Variants in USH2A observed in about 807,000 individuals in gnomAD.
USH2A encodes usherin, also known as Usher syndrome 2A (autosomal recessive, mild).
USH2A carries 443 observed loss-of-function variants against 538.9 expected under a neutral mutation model. The observed-to-expected ratio is 0.82, with a 90% CI of 0.76 to 0.89. The LOEUF is 0.89. USH2A is among the 40% of genes least tolerant of loss of function. The probability of loss-of-function intolerance (pLI) is 0.00; values close to 1 mark genes in which losing one functional copy is unlikely to be tolerated. For missense variants in USH2A, 6,633 were observed against 6,324.8 expected (o/e 1.05, Z -1.65); for synonymous variants, 2,413 against 2,273.5 (o/e 1.06, Z -1.75).
At chr1:216,407,449 A>G (rs2039413633) in intron 3 of USH2A, among the ~76,000 whole-genome samples, 1 of 152,160 alleles carries the variant, frequency 6.6e-6, no homozygotes, top group South Asian at 2.1e-4. Flanking sequence ...TTATGTGGAT[A>G]TTTAAACTTG....
intron 15 of USH2A, among the ~76,000 whole-genome samples, chr1:216,214,759 G>C (rs997120504): frequency 6.6e-6 from 1 of 151,920 alleles, no homozygotes; most frequent in Non-Finnish European, 1.5e-5. Context: ...GGCAAGGAGA[G>C]ATAAAGAAAA....
At chr1:216,398,137 A>C (rs2039246514) in intron 3 of USH2A, among the ~76,000 whole-genome samples, 1 of 152,228 alleles carries the variant, frequency 6.6e-6, no homozygotes, top group Non-Finnish European at 1.5e-5. Context: ...AGCTATTTTA[A>C]AATGGTAGAC....
intron 11 of USH2A, among the ~76,000 whole-genome samples, chr1:216,256,890 T>A (rs2036268991): frequency 2.0e-5 from 3 of 151,976 alleles, no homozygotes; most frequent in Admixed American, 2.0e-4. Flanking sequence ...AAACTTGAAT[T>A]TTTGACTGTG....
chr1:216,315,811 T>C (rs913269681), intron 9 of USH2A, among the ~76,000 whole-genome samples: 2 of 152,172 alleles, frequency 1.3e-5, no homozygotes, highest in African/African-American at 4.8e-5. Flanking sequence ...ATAAATAACA[T>C]GTTTGTAACT....
At chr1:216,243,354 A>C (rs1207000255) in intron 13 of USH2A, among the ~76,000 whole-genome samples, 1 of 152,206 alleles carries the variant, frequency 6.6e-6, no homozygotes, top group East Asian at 1.9e-4. Flanking sequence ...ATCTATTCGG[A>C]AGTTGACTAA....
At chr1:215,678,922 A>T (rs2102670537) in intron 62 of USH2A, among the ~76,000 whole-genome samples, 1 of 152,368 alleles carries the variant, frequency 6.6e-6, no homozygotes, top group East Asian at 1.9e-4. Context: ...AGATGCTCTC[A>T]TGACTCCAAA....
rs1213302150 is a variant in USH2A, at chr1:216,057,137, T to TC, written c.6050-8491_6050-8490insG. On this transcript the variant is annotated intron_variant, in intron 30 of 71. Coordinates refer to ENST00000307340, the MANE Select transcript of USH2A (RefSeq NM_206933.4). ...TATTGCATAAAATAAAATGAAAAACTTTTTTTTTTAAAAAACAACTCTCTC... is the reference window on the plus strand; with the variant it reads ...TATTGCATAAAATAAAATGAAAAACTCTTTTTTTTTAAAAAACAACTCTCTC... Among the ~76,000 whole-genome samples the TC allele has an allele frequency of 2.7e-5, 4 of 147,050 alleles. No homozygotes were observed. The East Asian group carries it at 7.8e-4, about 29-fold the overall frequency.
In USH2A at chr1:215,846,040, A is replaced by G. The variant is rs769662049; in HGVS notation, c.8846-7T>C. ...CCTTGTAGGTCTTGAACAGCTGTCA[A>G]CAATAAATGCAGGACATGGTGAATG... On this transcript the variant is annotated splice_region_variant and splice_polypyrimidine_tract_variant and intron_variant, in intron 44 of 71. Coordinates refer to ENST00000307340, the MANE Select transcript of USH2A (RefSeq NM_206933.4). 40 of 1,613,364 alleles carry G rather than the reference A, an allele frequency of 2.5e-5. No individual in the cohort carries two copies. Among genetic ancestry groups the G allele is most frequent in the Admixed American group, 2.3e-4 (14 of 59,876 alleles).
intron 21 of USH2A, among the ~76,000 whole-genome samples, chr1:216,122,776 G>T (rs1207979485): frequency 1.3e-5 from 2 of 152,140 alleles, no homozygotes; most frequent in East Asian, 1.9e-4. Flanking sequence ...TGAGCCTAAA[G>T]GTAGAGATTA....
At chr1:216,265,303 T>G (rs1192587545) in intron 11 of USH2A, among the ~76,000 whole-genome samples, 1 of 151,950 alleles carries the variant, frequency 6.6e-6, no homozygotes, top group African/African-American at 2.4e-5. Flanking sequence ...CACAATATTA[T>G]CTTTTCCCAG....
intron 50 of USH2A, among the ~76,000 whole-genome samples, 183 bp from the exon 51 acceptor site, chr1:215,790,465 A>T (rs1244598321): frequency 6.6e-6 from 1 of 152,214 alleles, no homozygotes; most frequent in Non-Finnish European, 1.5e-5. Flanking sequence ...TACCAAGAGC[A>T]CTAGACACTA....
At chr1:216,394,818 A>T (rs1034308372) in intron 3 of USH2A, among the ~76,000 whole-genome samples, 54 of 145,374 alleles carry the variant, frequency 3.7e-4, no homozygotes, top group African/African-American at 1.3e-3. Context: ...TCCCGGGTTC[A>T]CGCCATTCTC....
intron 9 of USH2A, among the ~76,000 whole-genome samples, chr1:216,302,045 C>T (rs2037225569): frequency 1.3e-5 from 2 of 152,156 alleles, no homozygotes; most frequent in Non-Finnish European, 2.9e-5. Context: ...ACTCAGGTAT[C>T]TTTTTTCCAA....
intron 4 of USH2A, among the ~76,000 whole-genome samples, chr1:216,340,157 G>A (rs898838467): frequency 1.3e-5 from 2 of 151,818 alleles, no homozygotes; most frequent in Non-Finnish European, 2.9e-5. Flanking sequence ...TGACAAAGGG[G>A]ATAACACCAC....
intron 13 of USH2A, among the ~76,000 whole-genome samples, chr1:216,236,950 TAAC>T (rs1254139109): frequency 1.3e-5 from 2 of 152,154 alleles, no homozygotes; most frequent in Non-Finnish European, 2.9e-5. Context: ...TCAAATCCAA[TAAC>T]AACAAATAAC....
chr1:216,188,191 C>G (rs140305904), intron 20 of USH2A, among the ~76,000 whole-genome samples: 9 of 151,928 alleles, frequency 5.9e-5, no homozygotes, highest in Admixed American at 6.6e-5. Context: ...ATCTTTTACG[C>G]AACAGGATTT....
chr1:215,629,128 GAATGACTGTCTCCTGAC>G, intron 70 of USH2A, 93 bp from the exon 71 acceptor site: 2 of 1,277,810 alleles, frequency 1.6e-6, no homozygotes, highest in Non-Finnish European at 2.3e-6. Context: ...TCAGTGAAGG[GAATGACTGTCTCCTGAC>G]AATTGTCACA....
chr1:215,763,217 T>C (rs11120621), intron 56 of USH2A, among the ~76,000 whole-genome samples: 29,625 of 152,120 alleles, frequency 0.19, 3,100 homozygotes, highest in East Asian at 0.36. Flanking sequence ...TTCATGGAGT[T>C]CATGTATCAT....
intron 70 of USH2A, chr1:215,630,232 A>C: frequency 2.2e-6 from 1 of 459,966 alleles, no homozygotes; most frequent in Non-Finnish European, 4.4e-6. Flanking sequence ...ATTGCTTGAC[A>C]CATCAGATAT....
Sources: gnomAD v4.1 joint callset for allele counts (sites outside exome capture counted in the v4.1 genomes callset) on GRCh38, gnomAD v4.1.1 for gene constraint, MANE v1.5 for transcripts, NCBI Gene and HGNC (gene_info 2026-07-23, HGNC 2026-07-21) for gene names.